Variants in ATE1 observed in about 807,000 individuals in gnomAD.
ATE1 encodes arginyltransferase 1, also known as arginyl-tRNA--protein transferase 1.
ATE1 carries 36 observed loss-of-function variants against 70.5 expected under a neutral mutation model. The observed-to-expected ratio is 0.51, with a 90% CI of 0.39 to 0.67. The LOEUF (loss-of-function observed/expected upper bound fraction) is 0.67, where lower values mean the gene tolerates loss of function less well. Among genes scored for constraint, ATE1 ranks in the 30% least tolerant of loss-of-function variants. The pLI is 0.00. For missense variants in ATE1, 593 were observed against 629.5 expected (o/e 0.94, Z 0.62); for synonymous variants, 232 against 219.3 (o/e 1.06, Z -0.51).
intron 11 of ATE1, among the ~76,000 whole-genome samples, chr10:121,760,876 G>A (rs998625779): frequency 2.2e-4 from 33 of 152,176 alleles, no homozygotes; most frequent in Admixed American, 1.5e-3. Context: ...AATTGCCACA[G>A]CCACCCTGCT....
At chr10:121,788,008 T>C (rs1336639251) in intron 11 of ATE1, among the ~76,000 whole-genome samples, 1 of 152,218 alleles carries the variant, frequency 6.6e-6, no homozygotes, top group Non-Finnish European at 1.5e-5. Flanking sequence ...GATCATAATA[T>C]AATTGGAATG....
intron 11 of ATE1, among the ~76,000 whole-genome samples, chr10:121,767,985 A>C (rs1223436169): frequency 3.9e-5 from 6 of 152,240 alleles, no homozygotes; most frequent in Admixed American, 3.9e-4. Flanking sequence ...GGATGAACTG[A>C]TAAACAATTT....
chr10:121,913,710 C>T, intron 4 of ATE1, 80 bp downstream of exon 4: 1 of 947,760 alleles, frequency 1.1e-6, no homozygotes, highest in South Asian at 1.5e-5. Flanking sequence ...ATTAATGACC[C>T]TTCCCCTTCC....
chr10:121,847,575 C>G (rs925770731), intron 8 of ATE1, among the ~76,000 whole-genome samples: 3 of 151,436 alleles, frequency 2.0e-5, no homozygotes, highest in African/African-American at 7.3e-5. Flanking sequence ...CTGGTCAACA[C>G]AGTGAAACCC....
intron 10 of ATE1, among the ~76,000 whole-genome samples, chr10:121,833,361 G>A (rs1374766257): frequency 1.3e-5 from 2 of 151,732 alleles, no homozygotes; most frequent in East Asian, 3.9e-4. Context: ...CTCTGCATTA[G>A]TATTTTCATT....
chr10:121,806,230 T>C (rs990290638), intron 10 of ATE1, among the ~76,000 whole-genome samples: 1 of 152,158 alleles, frequency 6.6e-6, no homozygotes, highest in Non-Finnish European at 1.5e-5. Context: ...GGTGGGTGGA[T>C]GGCTTAAGCT....
At position 121,767,102 on chromosome 10, in the gene ATE1, G is replaced by T. The variant is rs530641897; in HGVS notation, c.1378+23067C>A. Among the ~76,000 whole-genome samples, 4 of 152,266 alleles carry T rather than the reference G, an allele frequency of 2.6e-5. No homozygotes were observed. The South Asian group carries it at 8.3e-4, about 32-fold the overall frequency. On this transcript the variant is annotated intron_variant, in intron 11 of 11. Transcript: ENST00000224652. ...CCATGACCAGCAGGGCTTATTTCAA[G>T]AATTCAAGGCTGGTTCAGTATTAAA...
At chr10:121,753,634 G>A (rs1263412825) in intron 11 of ATE1, among the ~76,000 whole-genome samples, 1 of 152,056 alleles carries the variant, frequency 6.6e-6, no homozygotes, top group Non-Finnish European at 1.5e-5. Flanking sequence ...TGTAAATACT[G>A]GCCAAGTAAA....
chr10:121,809,882 AAAAACAAAAC>A (rs1158932811), intron 10 of ATE1, among the ~76,000 whole-genome samples: 1 of 152,064 alleles, frequency 6.6e-6, no homozygotes, highest in African/African-American at 2.4e-5. Flanking sequence ...GAAAGCCACA[AAAAACAAAAC>A]AAAACAAAAC....
At chr10:121,875,823 T>G (rs1442354629) in intron 7 of ATE1, among the ~76,000 whole-genome samples, 2 of 152,222 alleles carry the variant, frequency 1.3e-5, no homozygotes. Context: ...TTCACATTCC[T>G]GTATTTACAA....
intron 7 of ATE1, among the ~76,000 whole-genome samples, chr10:121,877,086 G>A (rs952550701): frequency 6.6e-6 from 1 of 151,702 alleles, no homozygotes; most frequent in Non-Finnish European, 1.5e-5. Context: ...TCATCAAACA[G>A]AACACCCACC....
At chr10:121,882,814 T>G (rs1000296800) in intron 7 of ATE1, among the ~76,000 whole-genome samples, 5 of 152,242 alleles carry the variant, frequency 3.3e-5, no homozygotes, top group African/African-American at 1.2e-4. Context: ...AAGCATTCCT[T>G]TTGACAGCTA....
At chr10:121,889,597 G>T (rs183951443) in intron 7 of ATE1, among the ~76,000 whole-genome samples, 235 of 152,140 alleles carry the variant, frequency 1.5e-3, no homozygotes, top group African/African-American at 5.4e-3. Flanking sequence ...GAGGCCAGGA[G>T]TTCAAGACCA....
intron 8 of ATE1, among the ~76,000 whole-genome samples, chr10:121,843,723 T>C (rs1308613480): frequency 6.7e-6 from 1 of 149,944 alleles, no homozygotes; most frequent in Non-Finnish European, 1.5e-5. Flanking sequence ...CAGATATCCA[T>C]ACGCAAAAAA....
At chr10:121,806,135 G>C (rs1373463323) in intron 10 of ATE1, among the ~76,000 whole-genome samples, 5 of 152,146 alleles carry the variant, frequency 3.3e-5, no homozygotes, top group African/African-American at 1.2e-4. Flanking sequence ...ACCATAAAAA[G>C]GAAACTCAAA....
chr10:121,883,043 C>G (rs952123586), intron 7 of ATE1, among the ~76,000 whole-genome samples: 2 of 152,144 alleles, frequency 1.3e-5, no homozygotes, highest in Non-Finnish European at 2.9e-5. Flanking sequence ...CTTATATTCC[C>G]AACTTACAGA....
chr10:121,896,419 A>G (rs1950781232), intron 7 of ATE1, among the ~76,000 whole-genome samples: 1 of 152,250 alleles, frequency 6.6e-6, no homozygotes, highest in South Asian at 2.1e-4. Flanking sequence ...CAGCATGTTG[A>G]GGCTAGTTGA....
chr10:121,802,529 G>A (rs772421941), intron 10 of ATE1, among the ~76,000 whole-genome samples: 1 of 151,916 alleles, frequency 6.6e-6, no homozygotes, highest in Non-Finnish European at 1.5e-5. Context: ...GGCTACTCTC[G>A]AACTCAAGAC....
At chr10:121,838,542 T>C (rs1948513932) in intron 9 of ATE1, among the ~76,000 whole-genome samples, 1 of 152,212 alleles carries the variant, frequency 6.6e-6, no homozygotes, top group Admixed American at 6.5e-5. Flanking sequence ...TCTTCTTCCT[T>C]TGCCCCTGAA....
Sources: allele counts gnomAD v4.1 joint callset (sites outside exome capture counted in the v4.1 genomes callset), GRCh38; gene constraint gnomAD v4.1.1; transcripts MANE v1.5; gene names NCBI Gene and HGNC (gene_info 2026-07-23, HGNC 2026-07-21).